AUTS2: variants seen among roughly 807,000 people sequenced by gnomAD.
AUTS2 encodes autism susceptibility gene 2 protein.
Under a neutral mutation model 112.4 loss-of-function variants are expected in AUTS2, and 17 were observed. The observed-to-expected ratio is 0.15, with a 90% CI of 0.10 to 0.23. The LOEUF is 0.23. Among genes scored for constraint, AUTS2 ranks in the 10% least tolerant of loss-of-function variants. AUTS2 has a pLI of 1.00. For synonymous variants in AUTS2, 751 were observed against 702.7 expected (o/e 1.07, Z -1.09); for missense variants, 1,510 against 1,701.6 (o/e 0.89, Z 1.98).
At chr7:70,149,850 T>C (rs979662758) in intron 4 of AUTS2, among the ~76,000 whole-genome samples, 19 of 152,036 alleles carry the variant, frequency 1.2e-4, no homozygotes, top group African/African-American at 4.6e-4. Context: ...ATAATTACTA[T>C]TGAAGAAAAG....
At chr7:69,983,081 T>G (rs964144302) in intron 2 of AUTS2, among the ~76,000 whole-genome samples, 2 of 152,210 alleles carry the variant, frequency 1.3e-5, no homozygotes, top group African/African-American at 4.8e-5. Context: ...TTTGAACCTT[T>G]TCTTCCATTC....
chr7:69,841,211 A>G (rs1228783931), intron 1 of AUTS2, among the ~76,000 whole-genome samples: 1 of 152,206 alleles, frequency 6.6e-6, no homozygotes, highest in African/African-American at 2.4e-5. Flanking sequence ...GACACTGAGT[A>G]ATTTATAAGG....
intron 5 of AUTS2, among the ~76,000 whole-genome samples, chr7:70,543,483 C>T (rs989311445): frequency 5.3e-5 from 8 of 150,552 alleles, no homozygotes; most frequent in African/African-American, 9.8e-5. Context: ...GAGCTGAGAT[C>T]GCACCACTGC....
At chr7:69,701,601 G>A (rs1313815066) in intron 1 of AUTS2, among the ~76,000 whole-genome samples, 1 of 152,230 alleles carries the variant, frequency 6.6e-6, no homozygotes, top group Non-Finnish European at 1.5e-5. Context: ...ATTGTGAAAG[G>A]GGGAACTGTT....
At chr7:70,537,948 C>T (rs1282810935) in intron 5 of AUTS2, among the ~76,000 whole-genome samples, 2 of 152,162 alleles carry the variant, frequency 1.3e-5, no homozygotes, top group African/African-American at 2.4e-5. Context: ...GGGCTTTGTT[C>T]TTCCAAAGAG....
At chr7:70,405,294 C>T (rs1341521125) in intron 4 of AUTS2, among the ~76,000 whole-genome samples, 1 of 152,164 alleles carries the variant, frequency 6.6e-6, no homozygotes, top group Admixed American at 6.5e-5. Context: ...TATAGTATTA[C>T]TGGTTAGAAG....
intron 5 of AUTS2, among the ~76,000 whole-genome samples, chr7:70,540,991 G>T (rs1251235017): frequency 2.6e-5 from 4 of 152,106 alleles, no homozygotes; most frequent in Non-Finnish European, 5.9e-5. Flanking sequence ...TCATGCAAAA[G>T]TCCCCCCCTA....
chr7:70,749,086 G>C (rs557207460), intron 6 of AUTS2, among the ~76,000 whole-genome samples: 1 of 152,088 alleles, frequency 6.6e-6, no homozygotes, highest in Non-Finnish European at 1.5e-5. Context: ...TGTTGTTTTT[G>C]GGGGTAGCTC....
intron 1 of AUTS2, among the ~76,000 whole-genome samples, chr7:69,713,712 C>T (rs905827078): frequency 1.3e-5 from 2 of 152,032 alleles, no homozygotes; most frequent in Non-Finnish European, 2.9e-5. Context: ...CCACATGCCT[C>T]GCCCTCCGAA....
intron 4 of AUTS2, among the ~76,000 whole-genome samples, chr7:70,182,725 A>G (rs759820502): frequency 7.9e-5 from 12 of 152,200 alleles, no homozygotes; most frequent in Non-Finnish European, 1.6e-4. Flanking sequence ...TCCTTACCAC[A>G]TCAAAGTGGG....
chr7:70,319,626 G>A (rs1790158941), intron 4 of AUTS2, among the ~76,000 whole-genome samples: 2 of 152,104 alleles, frequency 1.3e-5, no homozygotes, highest in Non-Finnish European at 2.9e-5. Flanking sequence ...ACAAATTAGG[G>A]TCTCAGCCAA....
At chr7:69,628,259 G>T (rs1325878846) in intron 1 of AUTS2, among the ~76,000 whole-genome samples, 1 of 152,186 alleles carries the variant, frequency 6.6e-6, no homozygotes, top group Non-Finnish European at 1.5e-5. Flanking sequence ...TGTGTTTGTT[G>T]TGGGTAATTT....
chr7:69,798,474 C>G (rs1789944864), intron 1 of AUTS2, among the ~76,000 whole-genome samples: 1 of 152,056 alleles, frequency 6.6e-6, no homozygotes, highest in South Asian at 2.1e-4. Flanking sequence ...TATTTCTAGG[C>G]AAAAGTACTC....
intron 1 of AUTS2, among the ~76,000 whole-genome samples, chr7:69,685,133 C>T (rs1439774956): frequency 6.6e-6 from 1 of 152,218 alleles, no homozygotes; most frequent in African/African-American, 2.4e-5. Context: ...AGCCTCTTTT[C>T]AGGCTCTCTC....
intron 2 of AUTS2, among the ~76,000 whole-genome samples, chr7:69,937,551 G>T (rs1002835248): frequency 2.0e-5 from 3 of 152,140 alleles, no homozygotes; most frequent in African/African-American, 7.2e-5. Flanking sequence ...AACTCTTGGG[G>T]CCACTTGGAT....
chr7:70,027,083 T>C (rs1012791669), intron 2 of AUTS2, among the ~76,000 whole-genome samples: 2 of 152,186 alleles, frequency 1.3e-5, no homozygotes, highest in African/African-American at 4.8e-5. Context: ...TGTAGGCTAA[T>C]GTAAGTGTTC....
intron 6 of AUTS2, among the ~76,000 whole-genome samples, chr7:70,729,681 T>G (rs1334873081): frequency 6.6e-6 from 1 of 152,226 alleles, no homozygotes; most frequent in Non-Finnish European, 1.5e-5. Flanking sequence ...ATTATTCTCT[T>G]CCTGAAACCT....
chr7:70,220,366 G>C (rs979924178), intron 4 of AUTS2, among the ~76,000 whole-genome samples: 1 of 152,184 alleles, frequency 6.6e-6, no homozygotes, highest in Non-Finnish European at 1.5e-5. Context: ...CTGCATGCCA[G>C]CGTCACTCCT....
intron 1 of AUTS2, among the ~76,000 whole-genome samples, chr7:69,820,823 C>A (rs1790957460): frequency 6.6e-6 from 1 of 152,120 alleles, no homozygotes. Context: ...GTAGTGAAAA[C>A]ACACACACAC....
Sources: allele counts gnomAD v4.1 joint callset (sites outside exome capture counted in the v4.1 genomes callset), GRCh38; gene constraint gnomAD v4.1.1; transcripts MANE v1.5; gene names NCBI Gene and HGNC (gene_info 2026-07-23, HGNC 2026-07-21).